Variants in PKP1 observed in about 807,000 individuals in gnomAD.
PKP1 encodes the protein plakophilin 1, also known as plakophilin-1.
Under a neutral mutation model 76.4 loss-of-function variants are expected in PKP1, and 27 were observed. The ratio of observed to expected loss-of-function variants is 0.35; its 90% confidence interval spans 0.26 to 0.49. The LOEUF (loss-of-function observed/expected upper bound fraction) is 0.49, where lower values mean the gene tolerates loss of function less well. Among genes scored for constraint, PKP1 ranks in the 20% least tolerant of loss-of-function variants. The probability of loss-of-function intolerance (pLI) is 0.99; values close to 1 mark genes in which losing one functional copy is unlikely to be tolerated. For synonymous variants in PKP1, 404 were observed against 384.2 expected, an observed-to-expected ratio of 1.05 and a Z score of -0.60; for missense variants, 964 against 955.2, an observed-to-expected ratio of 1.01 and a Z score of -0.12.
chr1:201,311,801 G>GT (rs915334628), intron 2 of PKP1, among the ~76,000 whole-genome samples: 11 of 152,168 alleles, frequency 7.2e-5, no homozygotes, highest in Admixed American at 2.6e-4. Flanking sequence ...GTGTGGAGAT[G>GT]TTTTTTTATC....
chr1:201,325,145 C>A lies in PKP1; in HGVS notation c.2021+18C>A. The stretch of plus-strand genomic sequence containing the variant: ...CGAAGCAGGTGGGCGGGGGGTTGCT[C>A]CCACGGGCTGCACCCCAATCAGAGC... On this transcript the variant is annotated intron_variant, in intron 11 of 13. Transcript: ENST00000367324. 1 of 1,612,008 alleles carries A rather than the reference C, an allele frequency of 6.2e-7. No individual in the cohort carries two copies. Among genetic ancestry groups the A allele is most frequent in the South Asian group, 1.1e-5 (1 of 90,914 alleles).
Position 201,328,777 on chromosome 1 carries a change from A to T in PKP1, c.2122A>T (p.Asn708Tyr), listed in dbSNP as rs747259738. 6.2e-7 allele frequency: 1 copy of T among 1,614,174 alleles called. No homozygotes were observed. Among genetic ancestry groups the T allele is most frequent in the South Asian group, 1.1e-5 (1 of 91,078 alleles). ...CCCTTTGCAGCAAGGTTTCGATAGG[A>T]ACATGCTGGGAACCTTAGCTGGGGC... is the stretch of plus-strand genomic sequence containing the variant. ...GVLRQQGFDRNMLGTLAGANS... is the reference protein window; with the variant it reads ...GVLRQQGFDRYMLGTLAGANS... Residue 708 changes from asparagine (N) to tyrosine (Y), a missense_variant, in exon 13 of 14, where the codon AAC (asparagine) becomes TAC (tyrosine). Asn to Tyr is a moderately radical substitution (Grantham distance 143, BLOSUM62 -2). Coordinates refer to ENST00000367324, the MANE Select transcript of PKP1 (RefSeq NM_001005337.3).
rs1243979384 is a variant in PKP1 at position 201,283,804 on chromosome 1, C to T, written c.102C>T (p.Gly34=). 1.2e-6 allele frequency: 2 copies of T among 1,614,014 alleles called. No individual in the cohort carries two copies. The highest frequency in any genetic ancestry group is 1.7e-6 in the Non-Finnish European group (2 of 1,179,974). The part of the protein sequence containing the change: ...ALPSDQKMKT[G]TSGRQRVQEQ... ...CGTCGGACCAAAAGATGAAAACAGG[C>T]ACGTCTGGCAGGCAGCGCGTGCAGG... The change falls in exon 1 of 14, where the codon GGC becomes GGT. Residue 34 remains glycine, a synonymous_variant. Transcript: ENST00000367324.
intron 2 of PKP1, among the ~76,000 whole-genome samples, chr1:201,299,025 T>C (rs945372699): frequency 1.3e-5 from 2 of 152,134 alleles, no homozygotes; most frequent in African/African-American, 2.4e-5. Flanking sequence ...GCCATGCTAA[T>C]CGAGTGTCCA....
rs373859935 is a variant in PKP1 at position 201,285,097 on chromosome 1, T to C, written c.202+1193T>C. The stretch of plus-strand genomic sequence containing the variant: ...GTTTAGTAAAATGCTAATAAGACTT[T>C]ACCCATTACCAAACAGTACAGGTCA... On this transcript the variant is annotated intron_variant, in intron 1 of 13. Coordinates refer to ENST00000367324, the MANE Select transcript of PKP1 (RefSeq NM_001005337.3). 5.4e-4 allele frequency among the ~76,000 whole-genome samples: 82 copies of C among 152,290 alleles called. 2 individuals carry two copies. The East Asian group carries it at 0.011, about 21-fold the overall frequency.
chr1:201,325,412 A>G (rs1470062993), intron 11 of PKP1, among the ~76,000 whole-genome samples: 2 of 152,102 alleles, frequency 1.3e-5, no homozygotes, highest in African/African-American at 4.8e-5. Flanking sequence ...AGCAGGAGGC[A>G]TGGGGCAGCA....
At chr1:201,322,204 C>G in intron 8 of PKP1, 71 bp downstream of exon 8, 1 of 1,543,002 alleles carries the variant, frequency 6.5e-7, no homozygotes, top group Non-Finnish European at 8.8e-7. Context: ...CCTCATCTGC[C>G]CTTTCCTCTG....
At chr1:201,328,717 C>A in intron 12 of PKP1, 45 bp from the exon 13 acceptor site, 1 of 1,557,026 alleles carries the variant, frequency 6.4e-7, no homozygotes, top group Non-Finnish European at 8.9e-7. Context: ...CACAGCAAGC[C>A]CCACACAGTT....
rs1289119520 is a variant in PKP1 at position 201,324,541 on chromosome 1, G to A, written c.1794G>A (p.Leu598=). The change falls in exon 10 of 14, where the codon CTG becomes CTA. Residue 598 remains leucine (L), a synonymous_variant. Coordinates refer to ENST00000367324, the MANE Select transcript of PKP1 (RefSeq NM_001005337.3). ...TGGTGCGGTCCGGAGCCTCCCTCCT[G>A]AGCAACATGTCCCGCCACCCTCTGC... ...SDVVRSGASL[L]SNMSRHPLLH... 1.2e-6 allele frequency: 2 copies of A among 1,614,108 alleles called. No individual in the cohort carries two copies. The highest frequency in any genetic ancestry group is 1.3e-5 in the African/African-American group (1 of 75,040).
intron 2 of PKP1, among the ~76,000 whole-genome samples, chr1:201,306,379 G>C (rs1656366326): frequency 6.6e-6 from 1 of 152,214 alleles, no homozygotes; most frequent in Non-Finnish European, 1.5e-5. Context: ...CCATGGACCT[G>C]ACCTTTGCAG....
intron 6 of PKP1, 25 bp downstream of exon 6, chr1:201,318,820 C>CT: frequency 6.4e-7 from 1 of 1,562,782 alleles, no homozygotes; most frequent in Non-Finnish European, 8.7e-7. Context: ...TACATGGGGT[C>CT]TTTTTGTCCC....
At chr1:201,297,682 C>A (rs1343237138) in intron 2 of PKP1, among the ~76,000 whole-genome samples, 1 of 152,264 alleles carries the variant, frequency 6.6e-6, no homozygotes, top group African/African-American at 2.4e-5. Flanking sequence ...TGGGTTTCCA[C>A]AATCTCAATA....
chr1:201,294,075 T>C, intron 2 of PKP1, 30 bp downstream of exon 2: 1 of 1,437,250 alleles, frequency 7.0e-7, no homozygotes. Context: ...CTAAAAGACC[T>C]GGAGTACTTG....
chr1:201,313,385 G>A lies in PKP1; in HGVS notation c.526G>A (p.Gly176Ser). 6.3e-7 allele frequency: 1 copy of A among 1,582,706 alleles called. No individual in the cohort carries two copies. The highest frequency in any genetic ancestry group is 1.2e-5 in the South Asian group (1 of 86,840). Residue 176 changes from glycine to serine, a missense_variant, in exon 3 of 14, where the codon GGC becomes AGC. Gly to Ser is a moderately conservative substitution (Grantham distance 56, BLOSUM62 0). Transcript: ENST00000367324. Reference sequence around the variant, plus strand: ...GCGCAAGGGCACGCTGGGCAGCAAGGGCCAGAAGACCACCCAGAACCGCTA... The same window carrying A: ...GCGCAAGGGCACGCTGGGCAGCAAGAGCCAGAAGACCACCCAGAACCGCTA... ...TLRKGTLGSK[G>S]QKTTQNRYSF... is the part of the protein sequence containing the mutation.
intron 6 of PKP1, 119 bp downstream of exon 6, chr1:201,318,914 T>A: frequency 1.2e-6 from 1 of 861,124 alleles, no homozygotes; most frequent in Non-Finnish European, 1.9e-6. Context: ...CGGCACTCCC[T>A]CTTATGGGCA....
chr1:201,320,441 T>C, intron 7 of PKP1, 60 bp downstream of exon 7: 1 of 1,119,694 alleles, frequency 8.9e-7, no homozygotes, highest in South Asian at 1.3e-5. Flanking sequence ...ATTTTCTGGG[T>C]GCCTTTGAGG....
rs200344171 is a variant in PKP1, at chr1:201,324,587, G to T, written c.1834+6G>T. On this transcript the variant is annotated splice_donor_region_variant and intron_variant, in intron 10 of 13. Coordinates refer to ENST00000367324, the MANE Select transcript of PKP1 (RefSeq NM_001005337.3). ...TCTGCTGCACAGAGTGATGGGTAAG[G>T]TCCCTCTCTCTCCTCCCCCTCTAGC... is the stretch of plus-strand genomic sequence containing the variant. 1 of 1,613,940 alleles carries T rather than the reference G, an allele frequency of 6.2e-7. No individual in the cohort carries two copies. Among genetic ancestry groups the T allele is most frequent in the East Asian group, 2.2e-5 (1 of 44,874 alleles).
In PKP1 at chr1:201,317,591, T is replaced by A. The variant is rs779150281; in HGVS notation, c.866T>A (p.Ile289Asn). ...AKQQVYQLGGICKLVDLLRSP... is the reference protein window; with the variant it reads ...AKQQVYQLGGNCKLVDLLRSP... ...TGGCAGGTCTATCAGCTGGGAGGCA[T>A]CTGCAAGCTGGTGGACCTCCTCCGC... Residue 289 changes from isoleucine (I) to asparagine (N), a missense_variant, in exon 5 of 14, where the codon ATC (isoleucine) becomes AAC (asparagine). Transcript: ENST00000367324. 1.9e-6 allele frequency: 3 copies of A among 1,613,730 alleles called. No homozygotes were observed. The highest frequency in any genetic ancestry group is 2.5e-6 in the Non-Finnish European group (3 of 1,179,930).
At chr1:201,312,581 G>C (rs1224234348) in intron 2 of PKP1, among the ~76,000 whole-genome samples, 1 of 152,224 alleles carries the variant, frequency 6.6e-6, no homozygotes, top group Non-Finnish European at 1.5e-5. Flanking sequence ...GGTGCCGACA[G>C]CACCCACGTA....
Sources: gnomAD v4.1 joint callset for allele counts (sites outside exome capture counted in the v4.1 genomes callset) on GRCh38, gnomAD v4.1.1 for gene constraint, MANE v1.5 for transcripts, NCBI Gene and HGNC (gene_info 2026-07-23, HGNC 2026-07-21) for gene names.